The following TNNT1 variants were observed in gnomAD, a reference collection of about 807,000 sequenced individuals.
TNNT1 encodes the protein troponin T, slow skeletal muscle.
TNNT1 carries 53 observed loss-of-function variants against 50.6 expected under a neutral mutation model. The ratio of observed to expected loss-of-function variants is 1.05; its 90% CI spans 0.84 to 1.32. The LOEUF (loss-of-function observed/expected upper bound fraction) is 1.32, where lower values mean the gene tolerates loss of function less well. Among genes scored for constraint, TNNT1 ranks in the 40% most tolerant of loss-of-function variants. The probability of loss-of-function intolerance (pLI) is 0.00; values close to 1 mark genes in which losing one functional copy is unlikely to be tolerated. For missense variants in TNNT1, 348 were observed against 381.7 expected (o/e 0.91, Z 0.74); for synonymous variants, 142 against 138.0 (o/e 1.03, Z -0.20).
chr19:55,139,685 C>T (rs1397647732), intron 9 of TNNT1, among the ~76,000 whole-genome samples: 1 of 152,112 alleles, frequency 6.6e-6, no homozygotes, highest in Non-Finnish European at 1.5e-5. Context: ...ATCCCCTTCA[C>T]AGCTGGGTGA....
In TNNT1 at chr19:55,133,902, C is replaced by T. The variant is rs775403014; in HGVS notation, c.776G>A (p.Ser259Asn). The T allele has an allele frequency of 6.2e-7, 1 of 1,613,844 alleles. No individual in the cohort carries two copies. ...YEINVLYNRI[S>N]HAQKFRKGAG... is the part of the protein sequence containing the mutation. ...TCACACTCACAACTTCTGGGCGTGG[C>T]TGATGCGGTTGTACAGCACGTTGAT... is the stretch of plus-strand genomic sequence containing the variant. The change falls in exon 13 of 14, where the codon AGC becomes AAC. Residue 259 changes from serine (S) to asparagine (N), a missense_variant. Ser to Asn is a conservative substitution (Grantham distance 46, BLOSUM62 1). This residue lies in a region of TNNT1 where 253 missense variants were observed against 291.8 expected (regional missense o/e 0.87). Transcript: ENST00000588981.
chr19:55,135,793 T>A (rs1348918932), intron 11 of TNNT1, among the ~76,000 whole-genome samples: 8 of 152,088 alleles, frequency 5.3e-5, no homozygotes, highest in Admixed American at 5.2e-4. Flanking sequence ...AGTGCTGGGA[T>A]TACAGGTGTG....
rs769428135 is a variant in TNNT1, at chr19:55,145,539, C to T, written c.128+5G>A. 2 of 1,613,278 alleles carry T rather than the reference C, an allele frequency of 1.2e-6. No individual in the cohort carries two copies. The highest frequency in any genetic ancestry group is 2.2e-5 in the East Asian group (1 of 44,836). On this transcript the variant is annotated splice_donor_5th_base_variant and intron_variant, in intron 6 of 13. Coordinates refer to ENST00000588981, the MANE Select transcript of TNNT1 (RefSeq NM_003283.6). ...ACTGGGGCCCCCCACCCTGTAGGAT[C>T]TCACCTTGGTTTGGGGCGTTCCTCT... is the stretch of plus-strand genomic sequence containing the variant.
Position 55,132,744 on chromosome 19 carries a change from T to G in TNNT1, c.*171A>C. 1.5e-6 allele frequency: 1 copy of G among 673,246 alleles called. No homozygotes were observed. The highest frequency in any genetic ancestry group is 2.7e-6 in the Non-Finnish European group (1 of 377,266). The allele number at this position is 673,246 out of a possible 1,614,324, so 41.7% of individuals were successfully genotyped here. Reference sequence around the variant, plus strand: ...TTTAATGATTATTGGTGACACTCTTTCAAGTAACTTGTTGGTAATAAGAAG... The same window carrying G: ...TTTAATGATTATTGGTGACACTCTTGCAAGTAACTTGTTGGTAATAAGAAG... On this transcript the variant is annotated 3_prime_UTR_variant, in exon 14 of 14. Transcript: ENST00000588981.
At chr19:55,133,174 T>C (rs148326143) in intron 13 of TNNT1, among the ~76,000 whole-genome samples, 5 of 151,666 alleles carry the variant, frequency 3.3e-5, no homozygotes, top group South Asian at 2.1e-4. Context: ...GAGCTGATAT[T>C]TGGGGGCGAG....
intron 10 of TNNT1, among the ~76,000 whole-genome samples, chr19:55,137,567 A>T (rs1568838502): frequency 1.0e-5 from 1 of 98,722 alleles, no homozygotes; most frequent in Non-Finnish European, 1.9e-5. Context: ...CCTCCCTCAG[A>T]CCCAGGAGTG....
chr19:55,146,401 A>T, intron 5 of TNNT1, 33 bp downstream of exon 5: 1 of 1,337,732 alleles, frequency 7.5e-7, no homozygotes, highest in Non-Finnish European at 9.6e-7. Context: ...GGCCCCCGAC[A>T]TCGGTCTCGG....
intron 9 of TNNT1, among the ~76,000 whole-genome samples, chr19:55,140,180 C>T (rs530361982): frequency 6.6e-6 from 1 of 151,672 alleles, no homozygotes; most frequent in African/African-American, 2.4e-5. Flanking sequence ...AGAATCCAGG[C>T]CGGGCACGAT....
intron 1 of TNNT1, among the ~76,000 whole-genome samples, chr19:55,147,673 G>GTGCCGC (rs1272465023): frequency 9.9e-6 from 1 of 101,490 alleles, no homozygotes; most frequent in African/African-American, 4.9e-5. Flanking sequence ...GAGGGAGGAG[G>GTGCCGC]GGCTGGGGTC....
At chr19:55,147,340 T>TG (rs1186144133) in intron 1 of TNNT1, 172 bp from the exon 2 acceptor site, 21 of 580,580 alleles carry the variant, frequency 3.6e-5, no homozygotes, top group African/African-American at 2.1e-4. Context: ...GAGGAGGAGC[T>TG]GGGGCCTGGA....
chr19:55,137,242 T>C (rs1315956694), intron 10 of TNNT1, 30 bp from the exon 11 acceptor site: 7 of 1,504,246 alleles, frequency 4.7e-6, no homozygotes, highest in Non-Finnish European at 4.6e-6. Flanking sequence ...AACAGTAAAC[T>C]GGGGGCCACA....
At chr19:55,142,119 GTTGGTT>G in intron 6 of TNNT1, 199 bp from the exon 7 acceptor site, 1 of 577,982 alleles carries the variant, frequency 1.7e-6, no homozygotes, top group South Asian at 1.9e-5. Context: ...TTTGGTTGTT[GTTGGTT>G]TTGTTTTGTT....
In TNNT1 at chr19:55,138,074, C is replaced by T; in HGVS notation, c.388G>A (p.Glu130Lys). 1 of 1,614,140 alleles carries T rather than the reference C, an allele frequency of 6.2e-7. No individual in the cohort carries two copies. Among genetic ancestry groups the T allele is most frequent in the South Asian group, 1.1e-5 (1 of 91,086 alleles). The change falls in exon 10 of 14, where the codon GAG (glutamate) becomes AAG (lysine). Residue 130 changes from glutamate (E) to lysine (K), a missense_variant and splice_region_variant. Glu to Lys is a moderately conservative substitution (Grantham distance 56). Transcript: ENST00000588981. The stretch of plus-strand genomic sequence containing the variant: ...TCCTCTTCCTTCCTCATCTTCTCCT[C>T]CTGTGGGAAGTAAGGGGTTAACCTC... ...KERERQAKLA[E>K]EKMRKEEEEA... is the part of the protein sequence containing the mutation.
chr19:55,137,918 C>G (rs1430960586), intron 10 of TNNT1, 43 bp downstream of exon 10: 13 of 1,611,798 alleles, frequency 8.1e-6, no homozygotes, highest in Non-Finnish European at 1.1e-5. Flanking sequence ...CCAGCCCCTG[C>G]CCCCTCAGAA....
At chr19:55,141,709 C>T in intron 7 of TNNT1, 148 bp downstream of exon 7, 1 of 868,876 alleles carries the variant, frequency 1.2e-6, no homozygotes, top group Non-Finnish European at 1.9e-6. Flanking sequence ...GTCTCGAACT[C>T]CTGACCTCAG....
At chr19:55,135,525 C>CTTTTT (rs35798514) in intron 11 of TNNT1, 16 of 171,854 alleles carry the variant, frequency 9.3e-5, no homozygotes, top group South Asian at 2.5e-4. Flanking sequence ...TCACCTCAGC[C>CTTTTT]TTTTTTTTTT....
At chr19:55,138,231 G>A (rs1468620234) in intron 9 of TNNT1, among the ~76,000 whole-genome samples, 157 bp from the exon 10 acceptor site, 2 of 151,778 alleles carry the variant, frequency 1.3e-5, no homozygotes, top group Admixed American at 6.6e-5. Context: ...ACCCACTCCC[G>A]GCCCTGCCAC....
chr19:55,148,519 A>G (rs2085622523), intron 1 of TNNT1, among the ~76,000 whole-genome samples: 1 of 151,830 alleles, frequency 6.6e-6, no homozygotes, highest in Non-Finnish European at 1.5e-5. Context: ...GAGGCCAGCA[A>G]GTCCTCACAG....
At chr19:55,136,681 G>A (rs1354842092) in intron 11 of TNNT1, among the ~76,000 whole-genome samples, 4 of 152,126 alleles carry the variant, frequency 2.6e-5, no homozygotes, top group Non-Finnish European at 5.9e-5. Context: ...CCAGCCTGCC[G>A]TCCTGTAGCT....
Sources: gnomAD v4.1 joint callset for allele counts (sites outside exome capture counted in the v4.1 genomes callset) on GRCh38, gnomAD v4.1.1 for gene constraint, gnomAD v4.1.1 regional missense constraint, MANE v1.5 for transcripts, NCBI Gene and HGNC (gene_info 2026-07-23, HGNC 2026-07-21) for gene names.